The following SGCE variants were observed in gnomAD, a reference collection of about 807,000 sequenced individuals.
SGCE encodes epsilon-sarcoglycan.
SGCE carries 26 observed loss-of-function variants against 57.8 expected under a neutral mutation model. The observed-to-expected ratio is 0.45, with a 90% CI of 0.33 to 0.62. The LOEUF (loss-of-function observed/expected upper bound fraction) is 0.62, where lower values mean the gene tolerates loss of function less well. Among genes scored for constraint, SGCE ranks in the 20% least tolerant of loss-of-function variants. The probability of loss-of-function intolerance (pLI) is 0.02; values close to 1 mark genes in which losing one functional copy is unlikely to be tolerated. For synonymous variants in SGCE, 183 were observed against 189.5 expected (o/e 0.97, Z 0.28); for missense variants, 468 against 548.6 (o/e 0.85, Z 1.47).
At chr7:94,641,251 C>G (rs1033431219) in intron 1 of SGCE, among the ~76,000 whole-genome samples, 1 of 152,158 alleles carries the variant, frequency 6.6e-6, no homozygotes, top group Admixed American at 6.5e-5. Flanking sequence ...TTACTGGTGA[C>G]TCCTTGAAAG....
At chr7:94,634,708 C>G (rs921407245) in intron 1 of SGCE, among the ~76,000 whole-genome samples, 1 of 152,082 alleles carries the variant, frequency 6.6e-6, no homozygotes, top group Non-Finnish European at 1.5e-5. Context: ...TTTTGGCTGC[C>G]GAAAGACTCT....
intron 5 of SGCE, among the ~76,000 whole-genome samples, chr7:94,614,874 GA>G (rs1801639962): frequency 6.6e-6 from 1 of 151,848 alleles, no homozygotes; most frequent in South Asian, 2.1e-4. Flanking sequence ...AACTATGAAA[GA>G]AAAAATGATA....
chr7:94,598,609 A>G (rs944078141), intron 9 of SGCE, 166 bp downstream of exon 9: 5 of 655,756 alleles, frequency 7.6e-6, no homozygotes, highest in Non-Finnish European at 1.4e-5. Context: ...AAGTAATTGT[A>G]TTGTATATTT....
intron 5 of SGCE, among the ~76,000 whole-genome samples, chr7:94,613,664 G>A (rs1331404207): frequency 6.6e-6 from 1 of 152,142 alleles, no homozygotes; most frequent in Non-Finnish European, 1.5e-5. Context: ...AACAATTTAA[G>A]TAGAAACTCC....
intron 7 of SGCE, chr7:94,600,386 C>T (rs1353065155): frequency 4.8e-6 from 2 of 416,590 alleles, no homozygotes; most frequent in African/African-American, 2.0e-5. Flanking sequence ...CTCAATTATT[C>T]TTGGGACTGT....
rs1554345757 is a variant in SGCE, at chr7:94,604,858, T to TAA, written c.663-1408_663-1407dup. 4.3e-4 allele frequency among the ~76,000 whole-genome samples: 32 copies of TAA among 75,206 alleles called. 1 individual carries two copies. The highest frequency in any genetic ancestry group is 5.9e-4 in the Non-Finnish European group (22 of 37,416). The allele number at this position is 75,206 out of a possible 152,430, so 49.3% of individuals were successfully genotyped here. A position where few individuals can be genotyped will look rare whatever the true frequency, so the allele number is the denominator to read the frequency against. On this transcript the variant is annotated intron_variant, in intron 5 of 10. Coordinates refer to ENST00000648936, the MANE Select transcript of SGCE (RefSeq NM_003919.3). Reference sequence around the variant, plus strand: ...ATATATATATATATATATATATATATAATAGTTGTTATAACTAATGGTGCT... The same window carrying TAA: ...ATATATATATATATATATATATATATAAAATAGTTGTTATAACTAATGGTGCT...
chr7:94,598,059 C>G (rs1357268145), intron 9 of SGCE: 1 of 158,930 alleles, frequency 6.3e-6, no homozygotes, highest in Non-Finnish European at 1.4e-5. Flanking sequence ...CAGTTTTACC[C>G]ACCATTCCCT....
intron 10 of SGCE, chr7:94,588,126 G>C (rs1042365187): frequency 8.7e-7 from 1 of 1,154,062 alleles, no homozygotes; most frequent in African/African-American, 1.6e-5. Context: ...AAAATTTTTA[G>C]GGACACTTGA....
chr7:94,618,076 C>G (rs1452701529), intron 5 of SGCE: 1 of 152,204 alleles, frequency 6.6e-6, no homozygotes, highest in African/African-American at 2.4e-5. Context: ...TTTACCCAGG[C>G]AGGATTCTTT....
rs28614163 is a variant in SGCE, at chr7:94,599,968, G to A, written c.1038-245C>T. On this transcript the variant is annotated intron_variant, in intron 7 of 10. Transcript: ENST00000648936. ...GAGATTAAGAATCAAGGCCTTGATT[G>A]AAATAAATTCTATGACATAATGAAA... The A allele has an allele frequency of 0.087, 32,144 of 368,936 alleles. 1,819 individuals carry two copies. Among genetic ancestry groups the A allele is most frequent in the East Asian group, 0.22 (5,109 of 23,496 alleles). The allele number at this position is 368,936 out of a possible 1,614,324, so 22.9% of individuals were successfully genotyped here.
chr7:94,626,868 GT>G (rs1186555646), intron 3 of SGCE: 1 of 151,884 alleles, frequency 6.6e-6, no homozygotes, highest in Admixed American at 6.6e-5. Flanking sequence ...TCTATTCCTA[GT>G]TTGCCAAGAG....
At chr7:94,635,883 A>G (rs933906867) in intron 1 of SGCE, among the ~76,000 whole-genome samples, 5 of 152,130 alleles carry the variant, frequency 3.3e-5, no homozygotes, top group African/African-American at 9.7e-5. Context: ...AATTCACTCA[A>G]CATCAAAGTA....
intron 1 of SGCE, among the ~76,000 whole-genome samples, chr7:94,639,170 C>A (rs897036479): frequency 6.6e-6 from 1 of 152,030 alleles, no homozygotes; most frequent in African/African-American, 2.4e-5. Flanking sequence ...TAAGAACACA[C>A]GGGATCTAAA....
intron 8 of SGCE, chr7:94,599,207 T>C (rs994511972): frequency 4.5e-6 from 2 of 444,554 alleles, no homozygotes; most frequent in Admixed American, 3.8e-5. Flanking sequence ...CTATGAAGCA[T>C]TGTATTAATA....
At chr7:94,638,550 T>A (rs1357318) in intron 1 of SGCE, among the ~76,000 whole-genome samples, 1 of 151,926 alleles carries the variant, frequency 6.6e-6, no homozygotes, top group African/African-American at 2.4e-5. Flanking sequence ...TTTATAGACA[T>A]TTTGGTTGCT....
intron 5 of SGCE, chr7:94,616,851 A>G (rs1802006128): frequency 1.3e-5 from 2 of 152,212 alleles, no homozygotes; most frequent in African/African-American, 4.8e-5. Context: ...AATTTATAGA[A>G]ATGCTATTTT....
chr7:94,597,539 G>C (rs1488751325), intron 9 of SGCE: 1 of 151,038 alleles, frequency 6.6e-6, no homozygotes, highest in African/African-American at 2.4e-5. Context: ...GGGTGTGTAT[G>C]TGTCTGTGTG....
intron 10 of SGCE, among the ~76,000 whole-genome samples, chr7:94,586,109 T>C (rs1796885009): frequency 6.7e-6 from 1 of 150,060 alleles, no homozygotes; most frequent in Non-Finnish European, 1.5e-5. Flanking sequence ...AGATATACTT[T>C]CCCCTGATAA....
chr7:94,632,304 C>T (rs536172865), intron 1 of SGCE, among the ~76,000 whole-genome samples: 33 of 152,122 alleles, frequency 2.2e-4, no homozygotes, highest in African/African-American at 7.7e-4. Context: ...CCTGCCACTC[C>T]ATATCATCTC....
Sources: gnomAD v4.1 joint callset for allele counts (sites outside exome capture counted in the v4.1 genomes callset) on GRCh38, gnomAD v4.1.1 for gene constraint, MANE v1.5 for transcripts, NCBI Gene and HGNC (gene_info 2026-07-23, HGNC 2026-07-21) for gene names.